SGSM1: variants seen among roughly 807,000 people sequenced by gnomAD.
The protein encoded by SGSM1 is small G protein signaling modulator 1, also known as RUN and TBC1 domain containing 2.
A neutral mutation model predicts 133.8 loss-of-function variants in SGSM1; 73 were observed. The observed-to-expected ratio is 0.55, with a 90% CI of 0.45 to 0.66. SGSM1 has a LOEUF of 0.66. Ranked by LOEUF, SGSM1 falls within the 30% of genes least tolerant of loss-of-function variation. The pLI is 0.00. For missense variants in SGSM1, 1,213 were observed against 1,448.1 expected (o/e 0.84, Z 2.64); for synonymous variants, 563 against 573.0 (o/e 0.98, Z 0.25).
In SGSM1 at chr22:24,841,581, G is replaced by A. The variant is rs1286275948; in HGVS notation, c.64-3316G>A. ...GATCCTTCTGGCTGTATTAAAATGA[G>A]CTTCTTAGAAGTGGATGCAGGGAGA... On this transcript the variant is annotated intron_variant, in intron 2 of 24. Transcript: ENST00000400358. Among the ~76,000 whole-genome samples, 6 of 152,192 alleles carry A rather than the reference G, an allele frequency of 3.9e-5. No homozygotes were observed. In the East Asian group the frequency reaches 1.2e-3, roughly 29 times the overall value.
At chr22:24,812,676 G>A (rs139087996) in intron 2 of SGSM1, among the ~76,000 whole-genome samples, 3 of 152,292 alleles carry the variant, frequency 2.0e-5, no homozygotes, top group East Asian at 3.9e-4. Flanking sequence ...GCAAGGGAGG[G>A]TTTTGCTTAG....
At chr22:24,871,433 C>T (rs1433466716) in intron 12 of SGSM1, among the ~76,000 whole-genome samples, 4 of 152,148 alleles carry the variant, frequency 2.6e-5, no homozygotes, top group African/African-American at 4.8e-5. Context: ...TGGGGCCTGA[C>T]GCTTGGCAGA....
chr22:24,832,407 G>A (rs1300410743), intron 2 of SGSM1, among the ~76,000 whole-genome samples: 2 of 152,220 alleles, frequency 1.3e-5, no homozygotes, highest in Non-Finnish European at 2.9e-5. Context: ...GCAGTTAAGA[G>A]TGTGGGTTTA....
At chr22:24,886,225 AC>A (rs1403927996) in intron 15 of SGSM1, among the ~76,000 whole-genome samples, 1 of 151,692 alleles carries the variant, frequency 6.6e-6, no homozygotes, top group Admixed American at 6.6e-5. Context: ...ACATGGTGAA[AC>A]CCCGTCTCTA....
At chr22:24,815,558 T>C (rs1299585582) in intron 2 of SGSM1, among the ~76,000 whole-genome samples, 2 of 152,064 alleles carry the variant, frequency 1.3e-5, no homozygotes, top group Non-Finnish European at 2.9e-5. Flanking sequence ...CTGGATAACA[T>C]GGTGAAACCC....
chr22:24,850,340 G>T lies in SGSM1; in HGVS notation c.363G>T (p.Leu121Phe), dbSNP rs568019806. 8 of 1,613,672 alleles carry T rather than the reference G, an allele frequency of 5.0e-6. No individual in the cohort carries two copies. The highest frequency in any genetic ancestry group is 1.3e-5 in the African/African-American group (1 of 74,898). The change falls in exon 5 of 25, where the codon TTG becomes TTT. Residue 121 changes from leucine to phenylalanine, a missense_variant. Physicochemically the swap from Leu to Phe is conservative, Grantham distance 22 (BLOSUM62 0). Transcript: ENST00000400358. ...NVRKLPKLPN[L>F]SPLAIKHLWI... Reference sequence around the variant, plus strand: ...GGAAGCTGCCGAAGCTGCCCAACTTGTCCCCACTTGCCATCAAGCATCTGT... The same window carrying T: ...GGAAGCTGCCGAAGCTGCCCAACTTTTCCCCACTTGCCATCAAGCATCTGT...
At chr22:24,922,900 G>A (rs994184614) in intron 24 of SGSM1, among the ~76,000 whole-genome samples, 10 of 152,200 alleles carry the variant, frequency 6.6e-5, no homozygotes, top group Non-Finnish European at 1.3e-4. Flanking sequence ...GGCCAAGGTG[G>A]GTGGATTGCT....
rs1278116071 is a variant in SGSM1, at chr22:24,898,241, C to T, written c.2292C>T (p.Ala764=). 6.2e-7 allele frequency: 1 copy of T among 1,613,590 alleles called. No individual in the cohort carries two copies. The highest frequency in any genetic ancestry group is 8.5e-7 in the Non-Finnish European group (1 of 1,179,702). ...GSVDDRQSSE[A]TTSQDEAPRE... ...TGGATGACAGGCAGAGCAGCGAGGCCACCACATCTCAGGATGAGGCTCCCC... is the reference window on the plus strand; with the variant it reads ...TGGATGACAGGCAGAGCAGCGAGGCTACCACATCTCAGGATGAGGCTCCCC... Residue 764 remains alanine (A), a synonymous_variant, in exon 19 of 25, where the codon GCC becomes GCT. Coordinates refer to ENST00000400358, the MANE Select transcript of SGSM1 (RefSeq NM_001098497.3).
intron 2 of SGSM1, among the ~76,000 whole-genome samples, chr22:24,825,809 C>T (rs571416505): frequency 4.6e-5 from 7 of 152,290 alleles, no homozygotes; most frequent in East Asian, 3.9e-4. Context: ...CAGTTTCTTC[C>T]GGAGGTAAGC....
chr22:24,851,449 GGAGAGA>G (rs56956761), intron 5 of SGSM1, among the ~76,000 whole-genome samples: 1,938 of 112,802 alleles, frequency 0.017, 47 homozygotes, highest in African/African-American at 0.056. Flanking sequence ...GGGGGTGGGG[GGAGAGA>G]GAGAGAGAGA....
chr22:24,919,709 A>G (rs1933939025), intron 23 of SGSM1, 117 bp from the exon 24 acceptor site: 4 of 1,117,720 alleles, frequency 3.6e-6, no homozygotes, highest in Non-Finnish European at 5.2e-6. Flanking sequence ...GCACCAGGGC[A>G]CAGGCATAAG....
intron 12 of SGSM1, chr22:24,874,316 A>C (rs1352273994): frequency 8.1e-7 from 1 of 1,233,548 alleles, no homozygotes; most frequent in African/African-American, 1.5e-5. Flanking sequence ...GGGAAGGGGG[A>C]GGGTTGGAGC....
chr22:24,832,899 C>A (rs1929198331), intron 2 of SGSM1, among the ~76,000 whole-genome samples: 1 of 151,964 alleles, frequency 6.6e-6, no homozygotes, highest in African/African-American at 2.4e-5. Flanking sequence ...TCTCCCTGAT[C>A]TTCACATGAT....
chr22:24,871,724 C>G (rs150161108), intron 12 of SGSM1, among the ~76,000 whole-genome samples: 1 of 152,196 alleles, frequency 6.6e-6, no homozygotes, highest in Non-Finnish European at 1.5e-5. Context: ...CCATGCACAT[C>G]GTTTTGACTG....
chr22:24,867,449 C>T (rs1931522953), intron 10 of SGSM1, among the ~76,000 whole-genome samples: 1 of 152,222 alleles, frequency 6.6e-6, no homozygotes, highest in Non-Finnish European at 1.5e-5. Flanking sequence ...CTGACACTTA[C>T]TAAGCAGTGA....
intron 13 of SGSM1, among the ~76,000 whole-genome samples, chr22:24,877,629 CCAATCCCCTGGTTCCT>C (rs1932087802): frequency 6.6e-6 from 1 of 151,840 alleles, no homozygotes; most frequent in African/African-American, 2.4e-5. Context: ...TTGGAGTCAT[CCAATCCCCTGGTTCCT>C]CAGGGTGTGG....
At chr22:24,841,017 A>ATT (rs561250581) in intron 2 of SGSM1, among the ~76,000 whole-genome samples, 8 of 151,784 alleles carry the variant, frequency 5.3e-5, no homozygotes, top group African/African-American at 1.9e-4. Context: ...CGCCCGGCTA[A>ATT]TTTTTTGTAT....
intron 2 of SGSM1, among the ~76,000 whole-genome samples, chr22:24,808,114 TG>T (rs898324849): frequency 7.6e-5 from 11 of 144,902 alleles, no homozygotes; most frequent in African/African-American, 3.0e-4. Flanking sequence ...TTTTTCTTGG[TG>T]TTTTTTTTTT....
intron 13 of SGSM1, among the ~76,000 whole-genome samples, chr22:24,879,016 T>C (rs1470688814): frequency 1.3e-5 from 2 of 152,204 alleles, no homozygotes; most frequent in Admixed American, 6.5e-5. Context: ...CTCAGACAGG[T>C]GCTTCCTATG....
Sources: allele counts gnomAD v4.1 joint callset (sites outside exome capture counted in the v4.1 genomes callset), GRCh38; gene constraint gnomAD v4.1.1; transcripts MANE v1.5; gene names NCBI Gene and HGNC (gene_info 2026-07-23, HGNC 2026-07-21).